THEMIS: variants seen among roughly 807,000 people sequenced by gnomAD.
THEMIS encodes the protein protein THEMIS.
THEMIS carries 37 observed loss-of-function variants against 52.6 expected under a neutral mutation model. The ratio of observed to expected loss-of-function variants is 0.70; its 90% CI spans 0.54 to 0.93. THEMIS has a LOEUF of 0.93. Ranked by LOEUF, THEMIS falls within the 40% of genes least tolerant of loss-of-function variation. The probability of loss-of-function intolerance (pLI) is 0.00; values close to 1 mark genes in which losing one functional copy is unlikely to be tolerated. For synonymous variants in THEMIS, 292 were observed against 272.7 expected, an observed-to-expected ratio of 1.07 and a Z score of -0.70; for missense variants, 808 against 763.1, an observed-to-expected ratio of 1.06 and a Z score of -0.69.
intron 2 of THEMIS, among the ~76,000 whole-genome samples, chr6:127,832,775 A>ATTTTTTTT (rs1251377975): frequency 1.7e-4 from 9 of 54,028 alleles, no homozygotes; most frequent in East Asian, 7.5e-4. Flanking sequence ...GGATTGTCAG[A>ATTTTTTTT]TCTTTTTTTT....
At chr6:127,710,640 C>A (rs1239659413) in intron 5 of THEMIS, among the ~76,000 whole-genome samples, 2 of 152,038 alleles carry the variant, frequency 1.3e-5, no homozygotes, top group African/African-American at 4.8e-5. Context: ...AACATCATGT[C>A]AGACTCTCAA....
At chr6:127,823,056 G>A (rs555472094) in intron 3 of THEMIS, among the ~76,000 whole-genome samples, 1 of 152,142 alleles carries the variant, frequency 6.6e-6, no homozygotes, top group African/African-American at 2.4e-5. Context: ...GGTATATTTA[G>A]CACACATAGA....
intron 4 of THEMIS, among the ~76,000 whole-genome samples, chr6:127,749,929 G>A (rs1441611372): frequency 2.0e-5 from 3 of 149,948 alleles, no homozygotes; most frequent in African/African-American, 7.4e-5. Flanking sequence ...TAATAGACAG[G>A]CACTTTGCTT....
chr6:127,712,740 A>G (rs1774026075), intron 5 of THEMIS, among the ~76,000 whole-genome samples: 1 of 151,944 alleles, frequency 6.6e-6, no homozygotes, highest in Admixed American at 6.6e-5. Context: ...TTTCTCAAAA[A>G]TACAGGCTAA....
chr6:127,907,316 C>A (rs1482128713), intron 1 of THEMIS, among the ~76,000 whole-genome samples: 5 of 133,326 alleles, frequency 3.8e-5, no homozygotes, highest in African/African-American at 1.4e-4. Context: ...TCATACAATA[C>A]CATTAGGGCA....
At chr6:127,911,875 G>C (rs1781420272) in intron 1 of THEMIS, among the ~76,000 whole-genome samples, 1 of 151,474 alleles carries the variant, frequency 6.6e-6, no homozygotes, top group East Asian at 1.9e-4. Context: ...TATAAGAAGG[G>C]GGCCATTGTC....
intron 4 of THEMIS, among the ~76,000 whole-genome samples, chr6:127,781,869 G>A (rs1776756902): frequency 6.6e-6 from 1 of 152,166 alleles, no homozygotes; most frequent in East Asian, 1.9e-4. Context: ...GGTGCCACTG[G>A]GATCAGGTAT....
chr6:127,815,110 C>T (rs992707713), intron 3 of THEMIS, among the ~76,000 whole-genome samples: 2 of 151,924 alleles, frequency 1.3e-5, no homozygotes, highest in Non-Finnish European at 2.9e-5. Flanking sequence ...ATGATCATAC[C>T]CACTGCATTT....
At chr6:127,897,224 C>T (rs1780995479) in intron 1 of THEMIS, among the ~76,000 whole-genome samples, 1 of 151,196 alleles carries the variant, frequency 6.6e-6, no homozygotes, top group African/African-American at 2.4e-5. Context: ...TACATATTTT[C>T]ATGAACTTAG....
intron 1 of THEMIS, among the ~76,000 whole-genome samples, chr6:127,909,274 T>G (rs186834313): frequency 1.3e-5 from 2 of 152,206 alleles, no homozygotes; most frequent in African/African-American, 4.8e-5. Flanking sequence ...GGTGATATGG[T>G]TTGATTCTGT....
chr6:127,757,411 T>C (rs543718593), intron 4 of THEMIS, among the ~76,000 whole-genome samples: 1 of 152,162 alleles, frequency 6.6e-6, no homozygotes, highest in Non-Finnish European at 1.5e-5. Context: ...AAATGGCAGA[T>C]AGCTATAGAC....
At position 127,709,981 on chromosome 6, in the gene THEMIS, C is replaced by A; in HGVS notation, c.*4G>T. On this transcript the variant is annotated 3_prime_UTR_variant, in exon 6 of 6. Coordinates refer to ENST00000368248, the MANE Select transcript of THEMIS (RefSeq NM_001010923.3). Reference sequence around the variant, plus strand: ...GCTGCCTAAGTGGCTTCTGTCACATCTTGTTATTTTTGATGTTTTTCATTT... The same window carrying A: ...GCTGCCTAAGTGGCTTCTGTCACATATTGTTATTTTTGATGTTTTTCATTT... 3 of 1,588,358 alleles carry A rather than the reference C, an allele frequency of 1.9e-6. No homozygotes were observed. The highest frequency in any genetic ancestry group is 2.6e-6 in the Non-Finnish European group (3 of 1,168,902).
chr6:127,750,470 C>T (rs903529621), intron 4 of THEMIS, among the ~76,000 whole-genome samples: 6 of 151,732 alleles, frequency 4.0e-5, no homozygotes, highest in African/African-American at 1.2e-4. Flanking sequence ...TAATTATAGG[C>T]ACAGTTTAAT....
intron 4 of THEMIS, among the ~76,000 whole-genome samples, chr6:127,749,378 G>A (rs1554218844): frequency 6.6e-6 from 1 of 152,016 alleles, no homozygotes; most frequent in Non-Finnish European, 1.5e-5. Flanking sequence ...TGTCACGTTA[G>A]CGGGGAAGGA....
At chr6:127,739,299 G>A (rs1775114289) in intron 4 of THEMIS, among the ~76,000 whole-genome samples, 1 of 152,126 alleles carries the variant, frequency 6.6e-6, no homozygotes, top group African/African-American at 2.4e-5. Flanking sequence ...AAGGAACAAA[G>A]AGTTGAGAGA....
chr6:127,861,386 A>G (rs1292616676), intron 1 of THEMIS, among the ~76,000 whole-genome samples: 1 of 152,212 alleles, frequency 6.6e-6, no homozygotes, highest in African/African-American at 2.4e-5. Context: ...GTGTTCGCAC[A>G]ATACATACAA....
Position 127,899,117 on chromosome 6 carries a change from A to G in THEMIS, c.91+1725T>C, listed in dbSNP as rs192390502. ...TATTTCAAAACAACTAGAGTAGTGG[A>G]ATTGGAATGTTCCTAACATGAAGAA... On this transcript the variant is annotated intron_variant, in intron 1 of 5. Coordinates refer to ENST00000368248, the MANE Select transcript of THEMIS (RefSeq NM_001010923.3). 1.7e-3 allele frequency among the ~76,000 whole-genome samples: 262 copies of G among 151,958 alleles called. 1 individual carries two copies. Among genetic ancestry groups the G allele is most frequent in the African/African-American group, 6.1e-3 (255 of 41,530 alleles).
intron 4 of THEMIS, among the ~76,000 whole-genome samples, chr6:127,759,759 C>CTTCT (rs1283886599): frequency 2.0e-5 from 3 of 151,492 alleles, no homozygotes; most frequent in South Asian, 2.1e-4. Context: ...TTTTCCTTTT[C>CTTCT]TTCTTTCTTC....
intron 3 of THEMIS, among the ~76,000 whole-genome samples, chr6:127,828,074 C>T (rs1212666880): frequency 6.6e-6 from 1 of 152,144 alleles, no homozygotes; most frequent in Admixed American, 6.5e-5. Flanking sequence ...TGATTACCTC[C>T]TATGCATCCT....
Sources: gnomAD v4.1 joint callset for allele counts (sites outside exome capture counted in the v4.1 genomes callset) on GRCh38, gnomAD v4.1.1 for gene constraint, MANE v1.5 for transcripts, NCBI Gene and HGNC (gene_info 2026-07-23, HGNC 2026-07-21) for gene names.